The following CDH18 variants were observed in gnomAD, a reference collection of about 807,000 sequenced individuals.
CDH18 encodes cadherin 18, also known as cadherin-18.
A neutral mutation model predicts 67.9 loss-of-function variants in CDH18; 31 were observed. That is an observed-to-expected ratio of 0.46 (90% confidence interval 0.34 to 0.62). The LOEUF is 0.62. Ranked by LOEUF, CDH18 falls within the 20% of genes least tolerant of loss-of-function variation. The pLI is 0.01. For synonymous variants in CDH18, 362 were observed against 347.2 expected (o/e 1.04, Z -0.48); for missense variants, 890 against 975.5 (o/e 0.91, Z 1.17).
chr5:19,497,516 G>A (rs1027631486), intron 11 of CDH18, among the ~76,000 whole-genome samples: 1 of 152,168 alleles, frequency 6.6e-6, no homozygotes, highest in Non-Finnish European at 1.5e-5. Context: ...CAACGTTCAG[G>A]TGAATCATCA....
At chr5:19,619,348 G>A (rs528234916) in intron 5 of CDH18, among the ~76,000 whole-genome samples, 3 of 152,256 alleles carry the variant, frequency 2.0e-5, no homozygotes, top group Admixed American at 1.3e-4. Flanking sequence ...CAGTAATACA[G>A]AAAACATTTT....
In CDH18 at chr5:20,242,596, GA is replaced by G. The variant is rs376279568; in HGVS notation, c.-518+12847del. On this transcript the variant is annotated intron_variant, in intron 2 of 14. Transcript: ENST00000507958. ...TTCTAGGTTTTGGGTTTCATTGAGG[GA>G]AAAAAAAAAAAAAAATATATATATA... 2.6e-3 allele frequency among the ~76,000 whole-genome samples: 204 copies of G among 77,766 alleles called. 3 individuals are homozygous for G. The highest frequency in any genetic ancestry group is 7.7e-3 in the South Asian group (18 of 2,340). 51.0% of individuals were successfully genotyped at this position (77,766 alleles called of 152,430 possible).
intron 2 of CDH18, among the ~76,000 whole-genome samples, chr5:19,887,095 T>C (rs1026627341): frequency 6.6e-6 from 1 of 152,022 alleles, no homozygotes; most frequent in Non-Finnish European, 1.5e-5. Context: ...ATATGCATTA[T>C]TTATGTGATA....
chr5:20,102,610 T>C (rs536423670), intron 2 of CDH18, among the ~76,000 whole-genome samples: 14 of 152,274 alleles, frequency 9.2e-5, no homozygotes, highest in South Asian at 4.1e-4. Flanking sequence ...CTGGATCTGA[T>C]TGAGGCTAAG....
chr5:19,859,254 G>C (rs532984954), intron 2 of CDH18, among the ~76,000 whole-genome samples: 82 of 152,274 alleles, frequency 5.4e-4, no homozygotes, highest in African/African-American at 1.8e-3. Context: ...TTCAGGCACA[G>C]TTGGGTAGCA....
chr5:19,596,007 G>T (rs929697414), intron 6 of CDH18, among the ~76,000 whole-genome samples: 4 of 152,160 alleles, frequency 2.6e-5, no homozygotes, highest in Non-Finnish European at 5.9e-5. Context: ...ATTGGCATGG[G>T]AAAAGCATGA....
At chr5:20,541,980 C>G (rs1757074170) in intron 1 of CDH18, among the ~76,000 whole-genome samples, 1 of 152,176 alleles carries the variant, frequency 6.6e-6, no homozygotes, top group Non-Finnish European at 1.5e-5. Flanking sequence ...GAGTCTCGCT[C>G]TGTCACCCAG....
chr5:19,493,533 T>C (rs537703493), intron 11 of CDH18, among the ~76,000 whole-genome samples: 3 of 127,056 alleles, frequency 2.4e-5, no homozygotes, highest in African/African-American at 6.2e-5. Context: ...CCCGAGGGAA[T>C]TGGGGTGTGT....
chr5:19,741,238 CATAT>C (rs36148582), intron 4 of CDH18, among the ~76,000 whole-genome samples: 1 of 142,092 alleles, frequency 7.0e-6, no homozygotes. Flanking sequence ...TATATATGTA[CATAT>C]ATGTATGTAT....
chr5:19,866,905 G>A (rs929285300), intron 2 of CDH18, among the ~76,000 whole-genome samples: 1 of 152,070 alleles, frequency 6.6e-6, no homozygotes, highest in Non-Finnish European at 1.5e-5. Flanking sequence ...GACTGGCCAA[G>A]ATGCTGAAAC....
chr5:19,513,953 C>T (rs575499470), intron 10 of CDH18, among the ~76,000 whole-genome samples: 20 of 152,108 alleles, frequency 1.3e-4, no homozygotes, highest in African/African-American at 2.2e-4. Context: ...CCCATTAATT[C>T]GTCATTTACA....
intron 1 of CDH18, among the ~76,000 whole-genome samples, chr5:20,486,681 G>GTATATATATATCTATATATATA (rs1753201172): frequency 8.2e-6 from 1 of 122,602 alleles, no homozygotes; most frequent in Non-Finnish European, 1.7e-5. Context: ...TGCTATTTTT[G>GTATATATATATCTATATATATA]TATATATATA....
chr5:20,527,909 CA>C (rs150124881), intron 1 of CDH18, among the ~76,000 whole-genome samples: 2,190 of 152,134 alleles, frequency 0.014, 20 homozygotes, highest in Non-Finnish European at 0.021. Context: ...TCACACATAA[CA>C]ATATTATCCT....
intron 8 of CDH18, among the ~76,000 whole-genome samples, chr5:19,545,357 A>G (rs985381076): frequency 6.6e-6 from 1 of 152,208 alleles, no homozygotes; most frequent in Non-Finnish European, 1.5e-5. Flanking sequence ...TGAATCTCCA[A>G]GAGTTAGGAC....
At chr5:20,259,859 T>C (rs974196165) in intron 1 of CDH18, among the ~76,000 whole-genome samples, 1 of 151,920 alleles carries the variant, frequency 6.6e-6, no homozygotes, top group African/African-American at 2.4e-5. Context: ...AGAAGAGAGA[T>C]AGGTTGAGGA....
chr5:20,482,009 A>G (rs1333088720), intron 1 of CDH18, among the ~76,000 whole-genome samples: 1 of 152,020 alleles, frequency 6.6e-6, no homozygotes, highest in Non-Finnish European at 1.5e-5. Context: ...ATAAAACAAA[A>G]ATTTATTTTT....
At chr5:20,116,500 A>G (rs1446130389) in intron 2 of CDH18, among the ~76,000 whole-genome samples, 1 of 151,868 alleles carries the variant, frequency 6.6e-6, no homozygotes, top group Non-Finnish European at 1.5e-5. Flanking sequence ...TGGGTGACAG[A>G]GAGAGACTCC....
At chr5:19,783,406 C>T (rs757590855) in intron 3 of CDH18, among the ~76,000 whole-genome samples, 1 of 152,132 alleles carries the variant, frequency 6.6e-6, no homozygotes, top group African/African-American at 2.4e-5. Context: ...ATTTATAAAA[C>T]TCATATATTT....
At chr5:20,501,580 A>ATT (rs1418990205) in intron 1 of CDH18, among the ~76,000 whole-genome samples, 1 of 12,410 alleles carries the variant, frequency 8.1e-5, no homozygotes, top group Non-Finnish European at 1.9e-4. Flanking sequence ...ATATATATAT[A>ATT]TTATATATAT....
Sources: allele counts gnomAD v4.1 joint callset (sites outside exome capture counted in the v4.1 genomes callset), GRCh38; gene constraint gnomAD v4.1.1; transcripts MANE v1.5; gene names NCBI Gene and HGNC (gene_info 2026-07-23, HGNC 2026-07-21).